Variants in CCDC77 observed in about 807,000 individuals in gnomAD.
CCDC77 encodes coiled-coil domain containing 77.
A neutral mutation model predicts 66.8 loss-of-function variants in CCDC77; 56 were observed. That is an observed-to-expected ratio of 0.84 (90% CI 0.68 to 1.05). The LOEUF (loss-of-function observed/expected upper bound fraction) is 1.05. Among genes scored for constraint, CCDC77 ranks in the 50% least tolerant of loss-of-function variants. The pLI is 0.00. For synonymous variants in CCDC77, 196 were observed against 195.2 expected, an observed-to-expected ratio of 1.00 and a Z score of -0.03; for missense variants, 570 against 576.8, an observed-to-expected ratio of 0.99 and a Z score of 0.12.
chr12:408,708 TCTC>T (rs1343910647), intron 2 of CCDC77, among the ~76,000 whole-genome samples: 2 of 152,180 alleles, frequency 1.3e-5, no homozygotes, highest in South Asian at 2.1e-4. Context: ...TTCTGCATCT[TCTC>T]CTCCTATCCT....
chr12:427,434 G>A (rs1053538204), intron 5 of CCDC77, among the ~76,000 whole-genome samples: 1 of 150,886 alleles, frequency 6.6e-6, no homozygotes, highest in Non-Finnish European at 1.5e-5. Flanking sequence ...ATATCAAGTC[G>A]CTCTGAAATC....
intron 5 of CCDC77, among the ~76,000 whole-genome samples, chr12:425,168 C>T (rs1246740832): frequency 6.6e-6 from 1 of 151,428 alleles, no homozygotes; most frequent in Non-Finnish European, 1.5e-5. Flanking sequence ...TGAGCTCAAG[C>T]AATCTGCCCT....
In CCDC77 at chr12:441,864, C is replaced by A. The variant is rs201059705; in HGVS notation, c.1411C>A (p.Leu471Met). 3 of 1,612,846 alleles carry A rather than the reference C, an allele frequency of 1.9e-6. No individual in the cohort carries two copies. Among genetic ancestry groups the A allele is most frequent in the Non-Finnish European group, 2.5e-6 (3 of 1,179,896 alleles). ...ACGGGCACATAAGATACAAGGAGAA[C>A]TGAAGAATCTTAAGTCGAAAGTGTT... ...NRRAHKIQGELKNLKSKVFGL... is the reference protein window; with the variant it reads ...NRRAHKIQGEMKNLKSKVFGL... Residue 471 changes from leucine (L) to methionine (M), a missense_variant, in exon 13 of 13, where the codon CTG becomes ATG. By Grantham distance (15) the Leu-to-Met change is conservative (BLOSUM62 2). Coordinates refer to ENST00000239830, the MANE Select transcript of CCDC77 (RefSeq NM_032358.4).
rs1467646431 is a variant in CCDC77 at position 438,570 on chromosome 12, C to T, written c.1041+16C>T. 6 of 1,559,644 alleles carry T rather than the reference C, an allele frequency of 3.8e-6. No individual in the cohort carries two copies. The highest frequency in any genetic ancestry group is 2.3e-5 in the South Asian group (2 of 86,604). ...ATATATTAAGGTAATGTCCTTATGT[C>T]GTAACGAAGTTGTTTATTTTTCTGG... On this transcript the variant is annotated intron_variant, in intron 10 of 12. Coordinates refer to ENST00000239830, the MANE Select transcript of CCDC77 (RefSeq NM_032358.4).
At chr12:417,533 C>T (rs910631011) in intron 4 of CCDC77, among the ~76,000 whole-genome samples, 3 of 152,140 alleles carry the variant, frequency 2.0e-5, no homozygotes, top group Admixed American at 6.6e-5. Context: ...CATGAAATTC[C>T]GTAGCTCTGT....
upstream of CCDC77, chr12:401,609 T>C (rs950743477): frequency 3.9e-5 from 6 of 152,332 alleles, no homozygotes; most frequent in African/African-American, 1.4e-4. Context: ...TCAGGGACGC[T>C]CAGTGGCGCC....
Position 415,299 on chromosome 12 carries a change from C to CATAATATTATGTTAATATAATT in CCDC77, c.271-3194_271-3193insTAATATTATGTTAATATAATTA, listed in dbSNP as rs1565567788. Among the ~76,000 whole-genome samples, 124 of 109,478 alleles carry CATAATATTATGTTAATATAATT rather than the reference C, an allele frequency of 1.1e-3. 6 individuals carry two copies. Among genetic ancestry groups the CATAATATTATGTTAATATAATT allele is most frequent in the Non-Finnish European group, 1.9e-3 (108 of 55,722 alleles). The allele number at this position is 109,478 out of a possible 152,430, so 71.8% of individuals were successfully genotyped here. The stretch of plus-strand genomic sequence containing the variant: ...TAACATAATATTATGTTAATATAAT[C>CATAATATTATGTTAATATAATT]AACATAATATTATGTTAATATAATC... On this transcript the variant is annotated intron_variant, in intron 4 of 12. Coordinates refer to ENST00000239830, the MANE Select transcript of CCDC77 (RefSeq NM_032358.4).
At chr12:416,387 A>ATGTGTG (rs1565569246) in intron 4 of CCDC77, among the ~76,000 whole-genome samples, 1 of 42,468 alleles carries the variant, frequency 2.4e-5, no homozygotes, top group African/African-American at 9.5e-5. Flanking sequence ...GTATATATAT[A>ATGTGTG]TATATATATA....
intron 5 of CCDC77, among the ~76,000 whole-genome samples, chr12:427,202 G>A (rs1441526819): frequency 1.3e-5 from 2 of 151,936 alleles, no homozygotes; most frequent in African/African-American, 2.4e-5. Context: ...CTGAGATCAT[G>A]CCATTGCACT....
chr12:418,387 T>C, intron 4 of CCDC77, 107 bp from the exon 5 acceptor site: 2 of 1,134,354 alleles, frequency 1.8e-6, no homozygotes, highest in Non-Finnish European at 2.6e-6. Flanking sequence ...TTGGCAAAAT[T>C]ATTTACTTTG....
chr12:390,977 C>G (rs1276858036), intron 1 of CCDC77, among the ~76,000 whole-genome samples: 1 of 152,114 alleles, frequency 6.6e-6, no homozygotes, highest in Non-Finnish European at 1.5e-5. Context: ...GACCTAAAGC[C>G]TAGACTCCAA....
At chr12:401,518 G>A (rs1202727864), upstream of CCDC77, 5 of 152,300 alleles carry the variant, frequency 3.3e-5, no homozygotes, top group East Asian at 7.7e-4. Context: ...GGGCGAGATG[G>A]GGGCGGGCCT....
chr12:415,766 G>A (rs1273062388), intron 4 of CCDC77, among the ~76,000 whole-genome samples: 5 of 151,568 alleles, frequency 3.3e-5, no homozygotes, highest in Non-Finnish European at 7.4e-5. Context: ...CCAAGTAGCT[G>A]GGACTACAGG....
exon 1 of CCDC77, chr12:389,437 T>G: frequency 4.3e-6 from 2 of 466,424 alleles, no homozygotes; most frequent in Non-Finnish European, 4.0e-6. Flanking sequence ...TTTGTCTCCT[T>G]GCCCGCCAAA....
chr12:389,586 A>AGGCGCGACGC, intron 1 of CCDC77: 1 of 277,360 alleles, frequency 3.6e-6, no homozygotes, highest in Admixed American at 5.0e-5. Context: ...AGGCGGGGCG[A>AGGCGCGACGC]GGCGCGACGC....
chr12:422,425 C>T (rs958848455), intron 5 of CCDC77, among the ~76,000 whole-genome samples: 2 of 152,240 alleles, frequency 1.3e-5, no homozygotes, highest in Non-Finnish European at 2.9e-5. Flanking sequence ...TCAACAGTAA[C>T]TCCCACATCC....
intron 4 of CCDC77, among the ~76,000 whole-genome samples, chr12:415,348 TCAACA>T (rs1945212627): frequency 2.0e-5 from 2 of 99,586 alleles, no homozygotes; most frequent in African/African-American, 3.7e-5. Flanking sequence ...GTTAATATAA[TCAACA>T]TAATATTATG....
chr12:419,664 C>T, intron 5 of CCDC77, among the ~76,000 whole-genome samples: 1 of 81,252 alleles, frequency 1.2e-5, no homozygotes, highest in Non-Finnish European at 2.7e-5. Flanking sequence ...TGTGTGTGTG[C>T]TGGGAGTGAG....
chr12:413,946 A>G (rs1458425117), intron 4 of CCDC77, among the ~76,000 whole-genome samples: 1 of 150,646 alleles, frequency 6.6e-6, no homozygotes, highest in Non-Finnish European at 1.5e-5. Context: ...TCTTGACTGC[A>G]GTTTCATCTC....
Sources: allele counts gnomAD v4.1 joint callset (sites outside exome capture counted in the v4.1 genomes callset), GRCh38; gene constraint gnomAD v4.1.1; transcripts MANE v1.5; gene names NCBI Gene and HGNC (gene_info 2026-07-23, HGNC 2026-07-21).